Variants in GABRA2 observed in about 807,000 individuals in gnomAD.
GABRA2 encodes gamma-aminobutyric acid type A receptor subunit alpha2.
In GABRA2, 16 loss-of-function variants were observed where a neutral mutation model predicts 48.7. The observed-to-expected ratio is 0.33, with a 90% CI of 0.22 to 0.50. The LOEUF (loss-of-function observed/expected upper bound fraction) is 0.50. GABRA2 is among the 20% of genes least tolerant of loss of function. The probability of loss-of-function intolerance (pLI) is 0.98; values close to 1 mark genes in which losing one functional copy is unlikely to be tolerated. For synonymous variants in GABRA2, 185 were observed against 184.5 expected (o/e 1.00, Z -0.02); for missense variants, 275 against 535.6 (o/e 0.51, Z 4.80).
chr4:46,371,340 C>T (rs1280274776), intron 3 of GABRA2, among the ~76,000 whole-genome samples: 4 of 152,108 alleles, frequency 2.6e-5, no homozygotes, highest in East Asian at 3.9e-4. Context: ...TTAAATCAAG[C>T]GTACTATTAT....
At chr4:46,328,739 A>G (rs1730830239) in intron 4 of GABRA2, among the ~76,000 whole-genome samples, 1 of 152,098 alleles carries the variant, frequency 6.6e-6, no homozygotes. Flanking sequence ...CTAACTCGTC[A>G]TCTAGCATTA....
chr4:46,255,906 A>G (rs1560433854), intron 9 of GABRA2, among the ~76,000 whole-genome samples: 1 of 151,622 alleles, frequency 6.6e-6, no homozygotes, highest in Non-Finnish European at 1.5e-5. Flanking sequence ...TGGCATTTGA[A>G]TGAAAATAAC....
chr4:46,347,083 C>T (rs1734263202), intron 3 of GABRA2, among the ~76,000 whole-genome samples: 1 of 151,708 alleles, frequency 6.6e-6, no homozygotes, highest in African/African-American at 2.4e-5. Flanking sequence ...TTGTTGAAAT[C>T]AATTGAAAAT....
intron 8 of GABRA2, among the ~76,000 whole-genome samples, chr4:46,293,720 C>T (rs1724110220): frequency 6.6e-6 from 1 of 152,166 alleles, no homozygotes; most frequent in Admixed American, 6.5e-5. Flanking sequence ...GCCATTAGAG[C>T]TGCCTCTACC....
chr4:46,390,004 G>A lies in GABRA2; in HGVS notation c.-280C>T. 1.0e-6 allele frequency: 1 copy of A among 960,594 alleles called. No homozygotes were observed. Among genetic ancestry groups the A allele is most frequent in the Non-Finnish European group, 1.2e-6 (1 of 813,074 alleles). The allele number at this position is 960,594 out of a possible 1,614,324, so 59.5% of individuals were successfully genotyped here. A position where few individuals can be genotyped will look rare whatever the true frequency, so the allele number is the denominator to read the frequency against. ...GCGGTGATGGGCGGAGGAGGAGGAA[G>A]AGGAGGAGGAGGAAGAGGAGGAGGG... On this transcript the variant is annotated 5_prime_UTR_variant, in exon 1 of 10. Coordinates refer to ENST00000381620, the MANE Select transcript of GABRA2 (RefSeq NM_000807.4).
intron 6 of GABRA2, among the ~76,000 whole-genome samples, chr4:46,306,573 A>G (rs751700302): frequency 6.6e-6 from 1 of 152,220 alleles, no homozygotes; most frequent in Non-Finnish European, 1.5e-5. Context: ...GTTGAGTAAC[A>G]GGTAATTCTT....
intron 8 of GABRA2, among the ~76,000 whole-genome samples, chr4:46,270,977 G>T (rs988820116): frequency 1.4e-5 from 2 of 145,652 alleles, no homozygotes; most frequent in African/African-American, 5.0e-5. Flanking sequence ...TTCATGTAAA[G>T]CTGTGCCCCT....
chr4:46,312,397 A>T, intron 5 of GABRA2, 99 bp downstream of exon 5: 1 of 743,002 alleles, frequency 1.3e-6, no homozygotes. Flanking sequence ...GTTAGAAAAC[A>T]CTCAACTTTG....
At chr4:46,253,661 A>G (rs1280926249) in intron 9 of GABRA2, among the ~76,000 whole-genome samples, 1 of 151,498 alleles carries the variant, frequency 6.6e-6, no homozygotes, top group Admixed American at 6.6e-5. Context: ...TAACTTGGAA[A>G]CTACCATTTT....
chr4:46,326,394 T>C (rs1161811833), intron 4 of GABRA2, among the ~76,000 whole-genome samples: 7 of 151,764 alleles, frequency 4.6e-5, no homozygotes, highest in Non-Finnish European at 8.8e-5. Flanking sequence ...ATAAGCCATC[T>C]CACCTTAACT....
At chr4:46,377,995 GC>G (rs1287907708) in intron 3 of GABRA2, among the ~76,000 whole-genome samples, 2 of 149,030 alleles carry the variant, frequency 1.3e-5, no homozygotes, top group East Asian at 2.0e-4. Context: ...GGGGGGGTCA[GC>G]CCCCCGCCCG....
At chr4:46,296,856 A>C (rs776862996) in intron 8 of GABRA2, among the ~76,000 whole-genome samples, 8 of 152,100 alleles carry the variant, frequency 5.3e-5, no homozygotes, top group Non-Finnish European at 1.2e-4. Context: ...GTACAAAGAA[A>C]ATGTCTTCAT....
chr4:46,383,842 G>C (rs758269632), intron 3 of GABRA2, among the ~76,000 whole-genome samples: 19 of 152,108 alleles, frequency 1.2e-4, no homozygotes, highest in Non-Finnish European at 2.5e-4. Flanking sequence ...GAATAGATGA[G>C]AATGAATTAT....
intron 3 of GABRA2, among the ~76,000 whole-genome samples, chr4:46,332,908 C>G (rs1048965594): frequency 6.6e-6 from 1 of 152,112 alleles, no homozygotes; most frequent in East Asian, 1.9e-4. Context: ...GACATTCTTA[C>G]TTGGAATCCA....
At chr4:46,348,628 A>G (rs1438367837) in intron 3 of GABRA2, among the ~76,000 whole-genome samples, 1 of 151,918 alleles carries the variant, frequency 6.6e-6, no homozygotes, top group African/African-American at 2.4e-5. Flanking sequence ...CTTTGTAGGG[A>G]CATGGATGAA....
chr4:46,277,182 T>G (rs1720670572), intron 8 of GABRA2, among the ~76,000 whole-genome samples: 1 of 152,164 alleles, frequency 6.6e-6, no homozygotes. Context: ...GCCTCTAGAC[T>G]AGAATAATCA....
chr4:46,384,876 C>A (rs1717234297), intron 3 of GABRA2, among the ~76,000 whole-genome samples: 2 of 151,902 alleles, frequency 1.3e-5, no homozygotes, highest in African/African-American at 2.4e-5. Context: ...ATATATTAAA[C>A]AACTGAATTC....
chr4:46,357,948 G>A (rs763169883), intron 3 of GABRA2, among the ~76,000 whole-genome samples: 14 of 151,880 alleles, frequency 9.2e-5, no homozygotes, highest in South Asian at 4.2e-4. Flanking sequence ...GTGAGCCACC[G>A]CGCCCAGCTG....
chr4:46,287,725 C>T (rs1032017554), intron 8 of GABRA2, among the ~76,000 whole-genome samples: 6 of 150,922 alleles, frequency 4.0e-5, no homozygotes, highest in South Asian at 2.1e-4. Context: ...CACATGTATA[C>T]GTATGTAACT....
Sources: gnomAD v4.1 joint callset for allele counts (sites outside exome capture counted in the v4.1 genomes callset) on GRCh38, gnomAD v4.1.1 for gene constraint, MANE v1.5 for transcripts, NCBI Gene and HGNC (gene_info 2026-07-23, HGNC 2026-07-21) for gene names.